LAMA2: variants seen among roughly 807,000 people sequenced by gnomAD.
LAMA2 encodes the protein laminin subunit alpha-2.
Under a neutral mutation model 364.8 loss-of-function variants are expected in LAMA2, and 269 were observed. The ratio of observed to expected loss-of-function variants is 0.74; its 90% CI spans 0.67 to 0.82. The LOEUF is 0.82. Ranked by LOEUF, LAMA2 falls within the 40% of genes least tolerant of loss-of-function variation. The probability of loss-of-function intolerance (pLI) is 0.00; values close to 1 mark genes in which losing one functional copy is unlikely to be tolerated. For synonymous variants in LAMA2, 1,379 were observed against 1,370.6 expected, an observed-to-expected ratio of 1.01 and a Z score of -0.14; for missense variants, 3,807 against 3,873.2, an observed-to-expected ratio of 0.98 and a Z score of 0.45.
At chr6:129,198,441 G>GGCATTGAT (rs1349854767) in intron 12 of LAMA2, among the ~76,000 whole-genome samples, 2 of 152,022 alleles carry the variant, frequency 1.3e-5, no homozygotes, top group Non-Finnish European at 2.9e-5. Context: ...GTTCTTGCAA[G>GGCATTGAT]GCATTGATCT....
chr6:129,438,769 A>G lies in LAMA2; in HGVS notation c.6085+7A>G. On this transcript the variant is annotated splice_region_variant and intron_variant, in intron 42 of 64. Coordinates refer to ENST00000421865, the MANE Select transcript of LAMA2 (RefSeq NM_000426.4). ...TTATCAGCTATTCCAAATGGTAAGC[A>G]TTCAGGACACTACCAACTGTGTCAG... is the stretch of plus-strand genomic sequence containing the variant. 7.4e-7 allele frequency: 1 copy of G among 1,347,280 alleles called. No homozygotes were observed. 83.5% of individuals were successfully genotyped at this position (1,347,280 alleles called of 1,614,324 possible).
intron 20 of LAMA2, 104 bp downstream of exon 20, chr6:129,291,824 G>A (rs1789721965): frequency 2.5e-6 from 2 of 796,746 alleles, no homozygotes; most frequent in Non-Finnish European, 4.3e-6. Context: ...GGAAGGTTTG[G>A]GATTATCTAA....
At chr6:129,349,158 AG>A in intron 30 of LAMA2, 139 bp from the exon 31 acceptor site, 1 of 681,066 alleles carries the variant, frequency 1.5e-6, no homozygotes, top group Non-Finnish European at 2.6e-6. Context: ...GCCTTAAATA[AG>A]AACTTCAGCA....
chr6:129,383,221 C>T lies in LAMA2; in HGVS notation c.5059C>T (p.Arg1687Trp), dbSNP rs754518146. 2.0e-5 allele frequency: 32 copies of T among 1,611,324 alleles called. No individual in the cohort carries two copies. Among genetic ancestry groups the T allele is most frequent in the Admixed American group, 1.0e-4 (6 of 59,916 alleles). Residue 1687 changes from arginine to tryptophan, a missense_variant, in exon 35 of 65, where the codon CGG (arginine) becomes TGG (tryptophan). Arg to Trp is a moderately radical substitution (Grantham distance 101). Around this residue, in one of 3 missense-constraint regions of LAMA2, gnomAD observed 3,333 missense variants for 3,345.7 expected, o/e 1.00. Transcript: ENST00000421865. ...GGGAGAATTCATTAAGGAGCTTGCC[C>T]GGGATGCAGAAGGTATTAGAAAGAA... Reference protein sequence around the residue: ...SLGEFIKELARDAEAVNEKAI... With the variant: ...SLGEFIKELAWDAEAVNEKAI...
chr6:129,265,717 G>A (rs1787459113), intron 15 of LAMA2, among the ~76,000 whole-genome samples: 1 of 151,872 alleles, frequency 6.6e-6, no homozygotes, highest in East Asian at 2.0e-4. Context: ...GCCTGTCGGA[G>A]GGTGGGGGGC....
At chr6:128,978,762 G>A (rs1440794466) in intron 1 of LAMA2, among the ~76,000 whole-genome samples, 2 of 152,220 alleles carry the variant, frequency 1.3e-5, no homozygotes, top group Non-Finnish European at 2.9e-5. Context: ...AAGATAGACA[G>A]CAGTCAGTAG....
chr6:129,505,335 A>C lies in LAMA2; in HGVS notation c.8683A>C (p.Thr2895Pro). The change falls in exon 61 of 65, where the codon ACT becomes CCT. Residue 2895 changes from threonine (T) to proline (P), a missense_variant. By Grantham distance (38) the Thr-to-Pro change is conservative (BLOSUM62 -1). Transcript: ENST00000421865. ...TGTTGGTGGGTTACCCATCAACTAC[A>C]CTACCCGAAGAATTGGTCCAGTAAA... ...LYVGGLPINY[T>P]TRRIGPVTYS... 1 of 1,613,774 alleles carries C rather than the reference A, an allele frequency of 6.2e-7. No homozygotes were observed. Among genetic ancestry groups the C allele is most frequent in the African/African-American group, 1.3e-5 (1 of 75,056 alleles).
At chr6:128,922,142 A>G (rs1446622577) in intron 1 of LAMA2, among the ~76,000 whole-genome samples, 1 of 151,978 alleles carries the variant, frequency 6.6e-6, no homozygotes, top group Non-Finnish European at 1.5e-5. Context: ...AGTCTTTGCT[A>G]TTGTGAAAAA....
intron 34 of LAMA2, among the ~76,000 whole-genome samples, chr6:129,382,068 A>T (rs1778721502): frequency 6.6e-6 from 1 of 152,200 alleles, no homozygotes; most frequent in African/African-American, 2.4e-5. Flanking sequence ...TTAAATATTA[A>T]TTCTCTGGCC....
At chr6:129,207,194 G>A (rs1470473246) in intron 12 of LAMA2, among the ~76,000 whole-genome samples, 1 of 152,140 alleles carries the variant, frequency 6.6e-6, no homozygotes, top group African/African-American at 2.4e-5. Context: ...TTTGCATTGT[G>A]TATTCGTATC....
chr6:129,054,083 G>A (rs1788292238), intron 2 of LAMA2, among the ~76,000 whole-genome samples: 1 of 152,168 alleles, frequency 6.6e-6, no homozygotes, highest in Non-Finnish European at 1.5e-5. Flanking sequence ...GCAGCAGTCA[G>A]CAGAAAGTGT....
intron 12 of LAMA2, among the ~76,000 whole-genome samples, chr6:129,204,503 A>C (rs1782496426): frequency 6.6e-6 from 1 of 150,960 alleles, no homozygotes; most frequent in African/African-American, 2.4e-5. Context: ...GACAATTTGG[A>C]GATAAACACA....
chr6:129,512,251 A>C, intron 62 of LAMA2, 112 bp from the exon 63 acceptor site: 1 of 1,038,236 alleles, frequency 9.6e-7, no homozygotes, highest in South Asian at 1.5e-5. Context: ...AGCCCTCATT[A>C]GAATTAGCTA....
intron 55 of LAMA2, among the ~76,000 whole-genome samples, chr6:129,482,680 C>T (rs1784403865): frequency 6.6e-6 from 1 of 152,094 alleles, no homozygotes. Context: ...AAAGCCCACA[C>T]AAAATATTCA....
intron 11 of LAMA2, among the ~76,000 whole-genome samples, chr6:129,191,123 C>T (rs1781500740): frequency 6.6e-6 from 1 of 152,126 alleles, no homozygotes; most frequent in African/African-American, 2.4e-5. Context: ...GAATCTAGAA[C>T]TTATAGGGTT....
intron 12 of LAMA2, among the ~76,000 whole-genome samples, chr6:129,244,631 C>T (rs1785620719): frequency 6.6e-6 from 1 of 152,114 alleles, no homozygotes; most frequent in South Asian, 2.1e-4. Flanking sequence ...ATGTTCCAGG[C>T]TTATTTCATG....
chr6:129,251,016 T>TTC (rs1353076547), intron 13 of LAMA2, among the ~76,000 whole-genome samples: 2 of 77,066 alleles, frequency 2.6e-5, no homozygotes, highest in African/African-American at 4.8e-5. Context: ...GTCTCTCTCT[T>TTC]TCTCTCTCTC....
chr6:129,328,678 T>C (rs1775448548), intron 29 of LAMA2, among the ~76,000 whole-genome samples: 1 of 152,234 alleles, frequency 6.6e-6, no homozygotes, highest in South Asian at 2.1e-4. Flanking sequence ...TTAAAAATTA[T>C]GTGTGCCTTT....
chr6:129,291,565 A>T, intron 19 of LAMA2, 49 bp from the exon 20 acceptor site: 2 of 1,273,654 alleles, frequency 1.6e-6, no homozygotes, highest in Non-Finnish European at 2.3e-6. Flanking sequence ...CAAGCCTATT[A>T]AGACTATTAG....
Sources: gnomAD v4.1 joint callset for allele counts (sites outside exome capture counted in the v4.1 genomes callset) on GRCh38, gnomAD v4.1.1 for gene constraint, gnomAD v4.1.1 regional missense constraint, MANE v1.5 for transcripts, NCBI Gene and HGNC (gene_info 2026-07-23, HGNC 2026-07-21) for gene names.